UTRN: variants seen among roughly 807,000 people sequenced by gnomAD.
The protein encoded by UTRN is dystrophin-related protein 1.
In UTRN, 283 loss-of-function variants were observed where a neutral mutation model predicts 463.9. The observed-to-expected ratio is 0.61, with a 90% confidence interval of 0.55 to 0.67. The LOEUF is 0.67. Ranked by LOEUF, UTRN falls within the 30% of genes least tolerant of loss-of-function variation. The pLI is 0.00. For synonymous variants in UTRN, 1,442 were observed against 1,431.5 expected (o/e 1.01, Z -0.17); for missense variants, 3,922 against 4,084.3 (o/e 0.96, Z 1.08).
intron 51 of UTRN, among the ~76,000 whole-genome samples, chr6:144,636,596 T>C (rs1777201797): frequency 6.6e-6 from 1 of 152,194 alleles, no homozygotes; most frequent in Non-Finnish European, 1.5e-5. Flanking sequence ...CCTTTGATAA[T>C]GAAGATAACA....
Position 144,748,442 on chromosome 6 carries a change from C to A in UTRN, c.8136C>A (p.Ser2712=), listed in dbSNP as rs374773628. 6.2e-7 allele frequency: 1 copy of A among 1,613,810 alleles called. No individual in the cohort carries two copies. The highest frequency in any genetic ancestry group is 8.5e-7 in the Non-Finnish European group (1 of 1,179,944). ...ACGCTGACATGAAGGAGGCAGAGTC[C>A]GTGCGGAATGGCTGGAAGCCCGTGG... The part of the protein sequence containing the change: ...DLDADMKEAE[S]VRNGWKPVGD... The change falls in exon 55 of 75, where the codon TCC becomes TCA. Residue 2712 remains serine, a synonymous_variant. Coordinates refer to ENST00000367545, the MANE Select transcript of UTRN (RefSeq NM_007124.3).
chr6:144,575,660 A>G (rs1041551672), intron 50 of UTRN, among the ~76,000 whole-genome samples: 3 of 152,102 alleles, frequency 2.0e-5, no homozygotes, highest in Non-Finnish European at 4.4e-5. Flanking sequence ...ACTGTGCCTA[A>G]TTTATATTGT....
chr6:144,800,986 T>C (rs1252655873), intron 64 of UTRN, among the ~76,000 whole-genome samples: 1 of 152,140 alleles, frequency 6.6e-6, no homozygotes, highest in Non-Finnish European at 1.5e-5. Context: ...ATTGGGAATC[T>C]TAGAGAGGAT....
intron 2 of UTRN, among the ~76,000 whole-genome samples, chr6:144,357,454 T>C (rs774977947): frequency 2.0e-4 from 31 of 152,222 alleles, no homozygotes; most frequent in Non-Finnish European, 3.5e-4. Flanking sequence ...TATCCACAAA[T>C]AGTGTTTTAT....
chr6:144,496,051 T>C (rs1218447011), intron 33 of UTRN, among the ~76,000 whole-genome samples: 1 of 152,108 alleles, frequency 6.6e-6, no homozygotes, highest in Non-Finnish European at 1.5e-5. Flanking sequence ...AAGAAATATC[T>C]CTAATTTGGG....
At chr6:144,844,973 G>A (rs1781899434) in intron 73 of UTRN, among the ~76,000 whole-genome samples, 1 of 152,198 alleles carries the variant, frequency 6.6e-6, no homozygotes, top group South Asian at 2.1e-4. Flanking sequence ...ATGAAACTCT[G>A]TATTCATAAA....
chr6:144,440,764 C>G (rs1787072514), intron 13 of UTRN, among the ~76,000 whole-genome samples: 1 of 152,138 alleles, frequency 6.6e-6, no homozygotes. Context: ...CGTTTTCACA[C>G]TGCTGATAAA....
chr6:144,678,566 C>G lies in UTRN; in HGVS notation c.7640C>G (p.Ser2547Cys). 1.9e-6 allele frequency: 3 copies of G among 1,610,066 alleles called. No individual in the cohort carries two copies. The highest frequency in any genetic ancestry group is 2.5e-6 in the Non-Finnish European group (3 of 1,177,646). The change falls in exon 52 of 75, where the codon TCT (serine) becomes TGT (cysteine). Residue 2547 changes from serine (S) to cysteine (C), a missense_variant. Physicochemically the swap from Ser to Cys is moderately radical, Grantham distance 112. Around this residue, in one of 3 missense-constraint regions of UTRN, gnomAD observed 1,309 missense variants for 1,452.6 expected, o/e 0.90. Transcript: ENST00000367545. The part of the protein sequence containing the change: ...NQRWNDLKAK[S>C]ASIRAHLEAS... ...AGATGGAATGACTTAAAAGCAAAATCTGCTAGCATCAGGTCAGAATAGTCA... is the reference window on the plus strand; with the variant it reads ...AGATGGAATGACTTAAAAGCAAAATGTGCTAGCATCAGGTCAGAATAGTCA...
At chr6:144,666,061 G>A (rs936008213) in intron 51 of UTRN, among the ~76,000 whole-genome samples, 1 of 152,134 alleles carries the variant, frequency 6.6e-6, no homozygotes, top group Non-Finnish European at 1.5e-5. Flanking sequence ...AGAAGGGCTT[G>A]CAGGTGACAG....
At chr6:144,677,139 T>C (rs1265477177) in intron 51 of UTRN, among the ~76,000 whole-genome samples, 1 of 152,232 alleles carries the variant, frequency 6.6e-6, no homozygotes. Context: ...GGGATACATG[T>C]GCTGAACGTG....
intron 2 of UTRN, among the ~76,000 whole-genome samples, chr6:144,374,768 T>C (rs12664421): frequency 0.17 from 25,418 of 151,228 alleles, 4,401 homozygotes; most frequent in African/African-American, 0.44. Context: ...AGTTGTGAGC[T>C]ACCGCGCCCA....
intron 9 of UTRN, among the ~76,000 whole-genome samples, chr6:144,432,717 T>C (rs1259756275): frequency 2.0e-5 from 3 of 151,836 alleles, no homozygotes; most frequent in African/African-American, 7.3e-5. Context: ...TGATCATTCT[T>C]GGGTGTTTCT....
intron 58 of UTRN, 76 bp downstream of exon 58, chr6:144,758,065 C>G: frequency 7.8e-7 from 1 of 1,279,338 alleles, no homozygotes; most frequent in Non-Finnish European, 1.1e-6. Flanking sequence ...CTTCTCTCCC[C>G]ATAACTTTTA....
At chr6:144,694,471 CTCT>C (rs2128694322) in intron 52 of UTRN, among the ~76,000 whole-genome samples, 1 of 152,136 alleles carries the variant, frequency 6.6e-6, no homozygotes, top group African/African-American at 2.4e-5. Context: ...ATGGTATCAA[CTCT>C]TCTTTGTACA....
chr6:144,784,553 A>ACAGT (rs760170988), intron 61 of UTRN, among the ~76,000 whole-genome samples: 1 of 152,212 alleles, frequency 6.6e-6, no homozygotes, highest in Non-Finnish European at 1.5e-5. Flanking sequence ...ATCTCCAAAT[A>ACAGT]CAGTCCCATT....
chr6:144,290,752 CTTTTTTTTTTTTTT>C (rs200477118), intron 1 of UTRN, among the ~76,000 whole-genome samples: 32,075 of 99,316 alleles, frequency 0.32, 4,074 homozygotes, highest in South Asian at 0.48. Flanking sequence ...CCACAATCGT[CTTTTTTTTTTTTTT>C]TTTTTTTTTT....
intron 16 of UTRN, 77 bp from the exon 17 acceptor site, chr6:144,448,523 A>C: frequency 3.3e-6 from 5 of 1,510,854 alleles, no homozygotes; most frequent in Non-Finnish European, 4.5e-6. Flanking sequence ...ATTTCAAAGA[A>C]AGAATTTTAT....
chr6:144,645,804 T>G (rs1444767680), intron 51 of UTRN, among the ~76,000 whole-genome samples: 1 of 152,088 alleles, frequency 6.6e-6, no homozygotes, highest in East Asian at 1.9e-4. Flanking sequence ...TGGTTCTGAC[T>G]CTGGCAAAAA....
At chr6:144,469,703 C>CTTTTTTTTT (rs545551155) in intron 23 of UTRN, among the ~76,000 whole-genome samples, 2 of 135,708 alleles carry the variant, frequency 1.5e-5, no homozygotes, top group African/African-American at 6.0e-5. Flanking sequence ...TGTTTCTTTC[C>CTTTTTTTTT]TTTTTTTTTT....
Sources: allele counts gnomAD v4.1 joint callset (sites outside exome capture counted in the v4.1 genomes callset), GRCh38; gene constraint gnomAD v4.1.1; regional missense constraint gnomAD v4.1.1; transcripts MANE v1.5; gene names NCBI Gene and HGNC (gene_info 2026-07-23, HGNC 2026-07-21).